The following ITPR2 variants were observed in gnomAD, a reference collection of about 807,000 sequenced individuals.
The protein encoded by ITPR2 is inositol 1,4,5-trisphosphate receptor type 2.
In ITPR2, 207 loss-of-function variants were observed where a neutral mutation model predicts 317.1. The observed-to-expected ratio is 0.65, with a 90% CI of 0.58 to 0.73. The LOEUF (loss-of-function observed/expected upper bound fraction) is 0.73. ITPR2 is among the 30% of genes least tolerant of loss of function. The pLI, the probability that ITPR2 is intolerant of heterozygous loss-of-function variation, is 0.00. For synonymous variants in ITPR2, 1,156 were observed against 1,149.1 expected (o/e 1.01, Z -0.12); for missense variants, 2,613 against 3,284.0 (o/e 0.80, Z 4.99).
At chr12:26,686,691 T>A in intron 10 of ITPR2, 59 bp from the exon 11 acceptor site, 2 of 1,430,628 alleles carry the variant, frequency 1.4e-6, no homozygotes, top group Non-Finnish European at 1.9e-6. Context: ...ACTCTCCAAT[T>A]AATCAGGTGA....
chr12:26,664,141 G>C (rs1483669056), intron 14 of ITPR2, among the ~76,000 whole-genome samples: 2 of 152,148 alleles, frequency 1.3e-5, no homozygotes, highest in Non-Finnish European at 2.9e-5. Flanking sequence ...ATTTCACCAA[G>C]TTACATGAAC....
rs185159053 is a variant in ITPR2, at chr12:26,814,168, T to C, written c.92+18522A>G. ...AGGACAGAGGTAAGGCTGCGGCAGA[T>C]AGCAGCCATGCCATAAACAAAACAC... On this transcript the variant is annotated intron_variant, in intron 1 of 56. Transcript: ENST00000381340. 2.2e-3 allele frequency among the ~76,000 whole-genome samples: 328 copies of C among 152,302 alleles called. 2 individuals carry two copies. The highest frequency in any genetic ancestry group is 3.9e-3 in the Admixed American group (60 of 15,304).
intron 47 of ITPR2, among the ~76,000 whole-genome samples, chr12:26,437,065 C>T (rs776789999): frequency 3.9e-5 from 6 of 152,146 alleles, no homozygotes; most frequent in Non-Finnish European, 7.3e-5. Context: ...ATACATCAAT[C>T]GAATACAGTT....
Position 26,494,292 on chromosome 12 carries a change from T to C in ITPR2, c.5231A>G (p.Asp1744Gly). The C allele has an allele frequency of 6.2e-7, 1 of 1,612,792 alleles. No individual in the cohort carries two copies. Among genetic ancestry groups the C allele is most frequent in the South Asian group, 1.1e-5 (1 of 90,810 alleles). Residue 1744 changes from aspartate to glycine, a missense_variant, in exon 39 of 57, where the codon GAC (aspartate) becomes GGC (glycine). By Grantham distance (94) the Asp-to-Gly change is moderately conservative (BLOSUM62 -1). This residue lies in a region of ITPR2 where 926 missense variants were observed against 1,072.8 expected (regional missense o/e 0.86). Coordinates refer to ENST00000381340, the MANE Select transcript of ITPR2 (RefSeq NM_002223.4). ...DSDKMGISMS[D>G]IQCLLDKEGA... ...TTCTTTATCCAGCAGACACTGAATG[T>C]CTGACATTGATATCCCCATCTTATC...
intron 37 of ITPR2, among the ~76,000 whole-genome samples, chr12:26,533,824 T>G (rs1465205635): frequency 6.6e-6 from 1 of 152,200 alleles, no homozygotes; most frequent in Non-Finnish European, 1.5e-5. Context: ...CCTCCAGAGC[T>G]ATAAGAAAAC....
intron 54 of ITPR2, among the ~76,000 whole-genome samples, chr12:26,396,303 C>T (rs1478687252): frequency 6.6e-6 from 1 of 152,182 alleles, no homozygotes. Context: ...TGATCTCTCT[C>T]AGTTTCCTTC....
chr12:26,783,903 G>A (rs573945255), intron 2 of ITPR2, among the ~76,000 whole-genome samples: 8 of 152,208 alleles, frequency 5.3e-5, no homozygotes, highest in East Asian at 1.9e-4. Flanking sequence ...GACTAAGACC[G>A]GGTCACAGAA....
chr12:26,487,250 T>C lies in ITPR2; in HGVS notation c.5372A>G (p.Tyr1791Cys). Residue 1791 changes from tyrosine (Y) to cysteine (C), a missense_variant and splice_region_variant, in exon 40 of 57, where the codon TAT becomes TGT. Tyr to Cys is a radical substitution (Grantham distance 194, BLOSUM62 -2). This residue lies in a region of ITPR2 where 926 missense variants were observed against 1,072.8 expected (regional missense o/e 0.86). Coordinates refer to ENST00000381340, the MANE Select transcript of ITPR2 (RefSeq NM_002223.4). ...LLEGGNTQTQ[Y>C]SFYQQLHEQK... is the part of the protein sequence containing the mutation. ...TTCATGCAACTGCTGGTAGAAAGAA[T>C]ACTGCAAGAAAACATATTTTAAGAC... The C allele has an allele frequency of 2.5e-6, 4 of 1,590,142 alleles. No homozygotes were observed. Among genetic ancestry groups the C allele is most frequent in the Non-Finnish European group, 1.7e-6 (2 of 1,171,318 alleles).
intron 15 of ITPR2, 117 bp downstream of exon 15, chr12:26,663,568 T>C (rs1947550612): frequency 1.0e-6 from 1 of 1,002,440 alleles, no homozygotes; most frequent in East Asian, 2.5e-5. Flanking sequence ...CAACATAAAA[T>C]ATTTCATTTC....
chr12:26,597,169 C>T (rs767662468), intron 30 of ITPR2, 35 bp from the exon 31 acceptor site: 12 of 1,609,780 alleles, frequency 7.5e-6, no homozygotes, highest in Admixed American at 5.0e-5. Flanking sequence ...TGTAGCAGTC[C>T]GAACATTCAT....
chr12:26,605,393 T>TC (rs1165245893), intron 26 of ITPR2, among the ~76,000 whole-genome samples: 3 of 151,930 alleles, frequency 2.0e-5, no homozygotes, highest in African/African-American at 7.3e-5. Context: ...ATTTCATTTT[T>TC]TTTCTGTAAG....
chr12:26,542,218 G>C (rs748701662), intron 37 of ITPR2, among the ~76,000 whole-genome samples: 4 of 152,210 alleles, frequency 2.6e-5, no homozygotes, highest in Non-Finnish European at 5.9e-5. Flanking sequence ...TTCCTGGGCA[G>C]CTCACTGAAT....
chr12:26,635,667 A>G (rs367769139), intron 21 of ITPR2, among the ~76,000 whole-genome samples: 1 of 152,248 alleles, frequency 6.6e-6, no homozygotes, highest in African/African-American at 2.4e-5. Flanking sequence ...ATAATAACTC[A>G]TCTGAAACCG....
chr12:26,616,052 G>A (rs7134626), intron 26 of ITPR2, among the ~76,000 whole-genome samples: 53,645 of 151,582 alleles, frequency 0.35, 10,442 homozygotes, highest in African/African-American at 0.52. Flanking sequence ...TAAATTATCT[G>A]GTCACAAGTT....
At chr12:26,769,279 C>A (rs907515935) in intron 2 of ITPR2, among the ~76,000 whole-genome samples, 2 of 152,126 alleles carry the variant, frequency 1.3e-5, no homozygotes, top group Admixed American at 1.3e-4. Flanking sequence ...AAACCACTTC[C>A]AAGCATTTGT....
At chr12:26,452,113 C>T (rs1451919464) in intron 45 of ITPR2, among the ~76,000 whole-genome samples, 1 of 152,172 alleles carries the variant, frequency 6.6e-6, no homozygotes, top group Non-Finnish European at 1.5e-5. Context: ...CCCTCTCCCC[C>T]TGCACCCCAC....
chr12:26,552,611 G>A (rs1004574956), intron 36 of ITPR2, among the ~76,000 whole-genome samples: 3 of 152,192 alleles, frequency 2.0e-5, no homozygotes, highest in Non-Finnish European at 4.4e-5. Flanking sequence ...GTCAGGCCTA[G>A]CAGGCAGAAG....
chr12:26,685,063 A>G (rs897484720), intron 11 of ITPR2, among the ~76,000 whole-genome samples: 5 of 152,208 alleles, frequency 3.3e-5, no homozygotes, highest in African/African-American at 1.2e-4. Flanking sequence ...GTGTTATTAT[A>G]GTAACTTTTT....
chr12:26,723,544 A>G (rs1389813098), intron 4 of ITPR2, among the ~76,000 whole-genome samples: 1 of 152,182 alleles, frequency 6.6e-6, no homozygotes. Flanking sequence ...AGGGACATCC[A>G]GCCCACTCAG....
Sources: allele counts gnomAD v4.1 joint callset (sites outside exome capture counted in the v4.1 genomes callset), GRCh38; gene constraint gnomAD v4.1.1; regional missense constraint gnomAD v4.1.1; transcripts MANE v1.5; gene names NCBI Gene and HGNC (gene_info 2026-07-23, HGNC 2026-07-21).